Variants in KDM6A observed in about 807,000 individuals in gnomAD.
KDM6A encodes lysine-specific demethylase 6A.
A neutral mutation model predicts 117.6 loss-of-function variants in KDM6A; 11 were observed. The ratio of observed to expected loss-of-function variants is 0.09; its 90% CI spans 0.06 to 0.15. The LOEUF (loss-of-function observed/expected upper bound fraction) is 0.15. Among genes scored for constraint, KDM6A ranks in the 10% least tolerant of loss-of-function variants. The pLI is 1.00. For missense variants in KDM6A, 799 were observed against 1,077.3 expected (o/e 0.74, Z 3.62); for synonymous variants, 384 against 396.1 (o/e 0.97, Z 0.36).
At chrX:45,051,654 T>G (rs1921449596) in intron 8 of KDM6A, 55 bp from the exon 9 acceptor site, 1 of 649,817 alleles carries the variant, frequency 1.5e-6, no homozygotes, top group Non-Finnish European at 2.5e-6. Flanking sequence ...ATATATGAAG[T>G]AGTTCCTTAA....
chrX:44,881,247 A>G (rs1245379773), intron 2 of KDM6A, among the ~76,000 whole-genome samples: 1 of 112,432 alleles, frequency 8.9e-6, no homozygotes, highest in Non-Finnish European at 1.9e-5. Context: ...CCTGGCTAAC[A>G]TGGTGAAACC....
chrX:44,934,366 T>G (rs974316370), intron 2 of KDM6A, among the ~76,000 whole-genome samples: 6 of 112,077 alleles, frequency 5.4e-5, no homozygotes, highest in African/African-American at 1.9e-4. Context: ...TAATTTTCCT[T>G]CAAAATTTTG....
intron 2 of KDM6A, among the ~76,000 whole-genome samples, chrX:44,904,236 A>G (rs1157070345): frequency 1.8e-5 from 2 of 111,824 alleles, no homozygotes; most frequent in Non-Finnish European, 3.8e-5. Flanking sequence ...TGGGACCACT[A>G]AGTCTCCCAG....
intron 8 of KDM6A, among the ~76,000 whole-genome samples, chrX:45,041,350 G>A (rs1238183330): frequency 1.1e-5 from 1 of 91,157 alleles, no homozygotes; most frequent in East Asian, 3.7e-4. Flanking sequence ...CGGGCAGAGG[G>A]GCTCCTCACT....
intron 4 of KDM6A, among the ~76,000 whole-genome samples, chrX:44,988,056 A>G (rs1328394754): frequency 8.9e-6 from 1 of 111,992 alleles, no homozygotes; most frequent in Non-Finnish European, 1.9e-5. Context: ...AATCAGACGT[A>G]GATTTGGTCT....
chrX:44,978,234 C>A (rs1051712669), intron 4 of KDM6A, among the ~76,000 whole-genome samples: 13 of 112,374 alleles, frequency 1.2e-4, no homozygotes, highest in African/African-American at 4.2e-4. Flanking sequence ...TCTTGACTTA[C>A]AGTGTGAACA....
chrX:44,935,759 T>G (rs2036928878), intron 2 of KDM6A, among the ~76,000 whole-genome samples: 1 of 111,870 alleles, frequency 8.9e-6, no homozygotes, highest in Non-Finnish European at 1.9e-5. Flanking sequence ...ACTGCAGTTG[T>G]CCGCTAGGGA....
intron 4 of KDM6A, among the ~76,000 whole-genome samples, chrX:44,999,877 C>T (rs1277323894): frequency 5.4e-5 from 6 of 111,427 alleles, no homozygotes; most frequent in South Asian, 3.8e-4. Flanking sequence ...ACACCCATTA[C>T]GGCTGCGAGG....
intron 2 of KDM6A, among the ~76,000 whole-genome samples, chrX:44,929,852 C>G (rs2036524684): frequency 9.1e-6 from 1 of 110,457 alleles, no homozygotes. Flanking sequence ...CTTTTAAGCT[C>G]AGGGGTACAT....
intron 2 of KDM6A, among the ~76,000 whole-genome samples, chrX:44,930,367 G>A (rs983164164): frequency 4.5e-5 from 5 of 111,401 alleles, no homozygotes; most frequent in Non-Finnish European, 5.7e-5. Context: ...TTTTTGTTTA[G>A]AATTCTATTT....
At position 45,063,698 on chromosome X, in the gene KDM6A, G is replaced by A. The variant is rs2147997137; in HGVS notation, c.1960G>A (p.Gly654Arg). The A allele has an allele frequency of 1.7e-6, 2 of 1,208,653 alleles. No individual in the cohort carries two copies. The highest frequency in any genetic ancestry group is 5.9e-5 in the East Asian group (2 of 33,782). The change falls in exon 17 of 30, where the codon GGA (glycine) becomes AGA (arginine). Residue 654 changes from glycine to arginine, a missense_variant. Physicochemically the swap from Gly to Arg is moderately radical, Grantham distance 125. Around this residue, in one of 8 missense-constraint regions of KDM6A, gnomAD observed 301 missense variants for 318.3 expected, o/e 0.95. Coordinates refer to ENST00000611820, the MANE Select transcript of KDM6A (RefSeq NM_001291415.2). ...LIGNNHITGS[G>R]SNGNVPYLQR... ...AGGCAATAATCATATAACAGGAAGTGGAAGTAATGGAAACGTGCCTTACCT... is the reference window on the plus strand; with the variant it reads ...AGGCAATAATCATATAACAGGAAGTAGAAGTAATGGAAACGTGCCTTACCT...
intron 4 of KDM6A, among the ~76,000 whole-genome samples, chrX:44,985,560 T>A (rs2040171467): frequency 9.0e-6 from 1 of 111,645 alleles, no homozygotes; most frequent in African/African-American, 3.3e-5. Flanking sequence ...CATAGATTGC[T>A]CTTATTATTT....
chrX:45,031,190 C>A (rs963005020), intron 6 of KDM6A, among the ~76,000 whole-genome samples: 7 of 111,846 alleles, frequency 6.3e-5, no homozygotes, highest in Admixed American at 9.5e-5. Flanking sequence ...TCTTACTTTC[C>A]TCATCTATAT....
intron 25 of KDM6A, chrX:45,086,362 TAACTCAAG>T (rs2045639356): frequency 4.3e-5 from 6 of 139,617 alleles, no homozygotes; most frequent in Non-Finnish European, 8.5e-5. Flanking sequence ...AGGCTGTGAA[TAACTCAAG>T]CTTGACCATA....
chrX:45,061,589 TAA>T (rs1293889395), intron 15 of KDM6A, among the ~76,000 whole-genome samples, 170 bp downstream of exon 15: 1 of 105,669 alleles, frequency 9.5e-6, no homozygotes, highest in Non-Finnish European at 1.9e-5. Flanking sequence ...CGTCCTGTGT[TAA>T]AGTTATTCTT....
At chrX:45,077,622 G>A (rs2045190802) in intron 19 of KDM6A, among the ~76,000 whole-genome samples, 1 of 109,858 alleles carries the variant, frequency 9.1e-6, no homozygotes. Context: ...GAAGCACTGG[G>A]ATAGACATGT....
chrX:45,059,214 G>C, intron 11 of KDM6A, 33 bp from the exon 12 acceptor site: 1 of 1,197,633 alleles, frequency 8.3e-7, no homozygotes, highest in East Asian at 3.0e-5. Context: ...GTTCTTCTGA[G>C]TTGACTTATT....
chrX:44,896,286 C>T (rs920657266), intron 2 of KDM6A, among the ~76,000 whole-genome samples: 1 of 110,097 alleles, frequency 9.1e-6, no homozygotes, highest in Non-Finnish European at 1.9e-5. Context: ...ACTGTGTTAA[C>T]CAGGATGGTC....
At chrX:45,022,019 A>T (rs747043181) in intron 6 of KDM6A, among the ~76,000 whole-genome samples, 2 of 112,490 alleles carry the variant, frequency 1.8e-5, no homozygotes, top group South Asian at 7.3e-4. Flanking sequence ...ATAATACAGA[A>T]TAAACATTTA....
Sources: allele counts gnomAD v4.1 joint callset (sites outside exome capture counted in the v4.1 genomes callset), GRCh38; gene constraint gnomAD v4.1.1; regional missense constraint gnomAD v4.1.1; transcripts MANE v1.5; gene names NCBI Gene and HGNC (gene_info 2026-07-23, HGNC 2026-07-21).